MICALL2: variants seen among roughly 807,000 people sequenced by gnomAD.
The protein encoded by MICALL2 is MICAL-like protein 2.
Under a neutral mutation model 91.1 loss-of-function variants are expected in MICALL2, and 111 were observed. The ratio of observed to expected loss-of-function variants is 1.22; its 90% CI spans 1.04 to 1.43. MICALL2 has a LOEUF of 1.43. Among genes scored for constraint, MICALL2 ranks in the 40% most tolerant of loss-of-function variants. The pLI is 0.00. For synonymous variants in MICALL2, 694 were observed against 525.3 expected (o/e 1.32, Z -4.39); for missense variants, 1,556 against 1,236.0 (o/e 1.26, Z -3.88).
chr7:1,435,154 C>A lies in MICALL2; in HGVS notation c.2592-7G>T, dbSNP rs368731475. On this transcript the variant is annotated splice_polypyrimidine_tract_variant and splice_region_variant and intron_variant, in intron 15 of 16. Coordinates refer to ENST00000297508, the MANE Select transcript of MICALL2 (RefSeq NM_182924.4). Reference sequence around the variant, plus strand: ...CTGATCCTCCTCTTGTTCCCTGAAACGGGACCAGATGGCCATGAGCGACAA... The same window carrying A: ...CTGATCCTCCTCTTGTTCCCTGAAAAGGGACCAGATGGCCATGAGCGACAA... 8.1e-6 allele frequency: 13 copies of A among 1,613,334 alleles called. No homozygotes were observed. The highest frequency in any genetic ancestry group is 1.1e-5 in the Non-Finnish European group (13 of 1,179,942).
At chr7:1,435,827 G>C (rs1406501917) in intron 15 of MICALL2, among the ~76,000 whole-genome samples, 2 of 152,120 alleles carry the variant, frequency 1.3e-5, no homozygotes, top group African/African-American at 4.8e-5. Flanking sequence ...GGCTGAGGCG[G>C]GCGGATCACG....
At chr7:1,440,205 G>A (rs1584205577) in intron 8 of MICALL2, 120 bp from the exon 9 acceptor site, 6 of 1,231,948 alleles carry the variant, frequency 4.9e-6, no homozygotes, top group African/African-American at 3.1e-5. Flanking sequence ...CTGAGCAAAT[G>A]CCACCTCCCA....
At position 1,442,397 on chromosome 7, in the gene MICALL2, G is replaced by A; in HGVS notation, c.1506C>T (p.Ser502=). The A allele has an allele frequency of 1.2e-6, 2 of 1,602,638 alleles. No individual in the cohort carries two copies. The highest frequency in any genetic ancestry group is 1.7e-6 in the Non-Finnish European group (2 of 1,173,620). ...QASPLAKPLQ[S]SSPRVLGLPS... Reference sequence around the variant, plus strand: ...GGAGGCCAAGCACCCGGGGAGACGAGGACTGTAACGGCTTGGCTAAGGGAC... The same window carrying A: ...GGAGGCCAAGCACCCGGGGAGACGAAGACTGTAACGGCTTGGCTAAGGGAC... Residue 502 remains serine (S), a synonymous_variant, in exon 7 of 17, where the codon TCC becomes TCT. Transcript: ENST00000297508.
chr7:1,438,385 CT>C, intron 10 of MICALL2, 32 bp from the exon 11 acceptor site: 1 of 1,581,206 alleles, frequency 6.3e-7, no homozygotes, highest in Non-Finnish European at 8.6e-7. Flanking sequence ...CCTCTGGGAC[CT>C]GGGCCACCAG....
intron 9 of MICALL2, 184 bp from the exon 10 acceptor site, chr7:1,439,179 TC>T: frequency 1.8e-6 from 1 of 570,618 alleles, no homozygotes; most frequent in Non-Finnish European, 3.1e-6. Flanking sequence ...TGGCCATGTC[TC>T]CCCAGGGGGC....
chr7:1,437,547 TGAGCCGGCGCAGCTCGCCCTC>T lies in MICALL2; in HGVS notation c.2443_2463del (p.Glu815_Leu821del). 2 of 1,527,680 alleles carry T rather than the reference TGAGCCGGCGCAGCTCGCCCTC, an allele frequency of 1.3e-6. No individual in the cohort carries two copies. Among genetic ancestry groups the T allele is most frequent in the South Asian group, 2.4e-5 (2 of 83,232 alleles). The allele number at this position is 1,527,680 out of a possible 1,614,324, so 94.6% of individuals were successfully genotyped here. ...GCGGGGGACGCACCGGGCTTGGCCA[TGAGCCGGCGCAGCTCGCCCTC>T]GATGTCCAGCTGCTGCTCCTCCAGA... On this transcript the variant is annotated inframe_deletion, in exon 14 of 17. Coordinates refer to ENST00000297508, the MANE Select transcript of MICALL2 (RefSeq NM_182924.4).
intron 5 of MICALL2, 103 bp downstream of exon 5, chr7:1,446,610 G>A (rs1487146418): frequency 1.3e-5 from 10 of 750,118 alleles, no homozygotes; most frequent in South Asian, 6.1e-5. Context: ...GGAGAGGAAC[G>A]AGGAGCGGGG....
intron 1 of MICALL2, 69 bp downstream of exon 1, chr7:1,459,115 C>T: frequency 6.7e-7 from 1 of 1,488,782 alleles, no homozygotes; most frequent in South Asian, 1.2e-5. Context: ...GCCCGGGCCT[C>T]AGTTTCCCCG....
intron 5 of MICALL2, 119 bp from the exon 6 acceptor site, chr7:1,445,547 C>T (rs377081968): frequency 1.5e-4 from 144 of 931,142 alleles, no homozygotes; most frequent in East Asian, 4.0e-4. Flanking sequence ...GGTTGCTGAA[C>T]GCCCGCCCCG....
At position 1,459,270 on chromosome 7, in the gene MICALL2, G is replaced by A. The variant is rs779092507; in HGVS notation, c.57C>T (p.Arg19=). The A allele has an allele frequency of 1.2e-6, 2 of 1,609,314 alleles. No homozygotes were observed. The highest frequency in any genetic ancestry group is 1.7e-6 in the Non-Finnish European group (2 of 1,178,428). ...QWCRQQCEGY[R]DVNICNMTTS... ...TGGTCATGTTGCAGATATTCACGTCGCGGTAGCCCTCGCACTGCTGCCGGC... is the reference window on the plus strand; with the variant it reads ...TGGTCATGTTGCAGATATTCACGTCACGGTAGCCCTCGCACTGCTGCCGGC... The change falls in exon 1 of 17, where the codon CGC becomes CGT. Residue 19 remains arginine (R), a synonymous_variant. Transcript: ENST00000297508.
Position 1,446,805 on chromosome 7 carries a change from C to T in MICALL2, c.549G>A (p.Leu183=). 6.3e-7 allele frequency: 1 copy of T among 1,599,978 alleles called. No homozygotes were observed. The highest frequency in any genetic ancestry group is 1.1e-5 in the South Asian group (1 of 89,186). Residue 183 remains leucine, a synonymous_variant, in exon 5 of 17, where the codon TTG becomes TTA. Coordinates refer to ENST00000297508, the MANE Select transcript of MICALL2 (RefSeq NM_182924.4). The part of the protein sequence containing the change: ...PKTDQALAGS[L]VSSTCGVCGK... ...CGCAGACCCCGCAGGTGCTGCTGACCAAGCTGCCCGCCAATGCCTGGTCCT... is the reference window on the plus strand; with the variant it reads ...CGCAGACCCCGCAGGTGCTGCTGACTAAGCTGCCCGCCAATGCCTGGTCCT...
chr7:1,440,847 T>C, intron 7 of MICALL2, 163 bp from the exon 8 acceptor site: 1 of 620,916 alleles, frequency 1.6e-6, no homozygotes, highest in Admixed American at 2.4e-5. Context: ...GGGCAGGGAG[T>C]CAGGGGAGGG....
intron 1 of MICALL2, among the ~76,000 whole-genome samples, chr7:1,458,642 T>C (rs1172134048): frequency 1.3e-5 from 2 of 152,224 alleles, no homozygotes; most frequent in African/African-American, 4.8e-5. Flanking sequence ...AGATGGGGGC[T>C]GTTCTCCATC....
chr7:1,455,642 G>A lies in MICALL2; in HGVS notation c.143+3542C>T, dbSNP rs889991340. Among the ~76,000 whole-genome samples the A allele has an allele frequency of 1.4e-4, 22 of 151,948 alleles. 2 individuals are homozygous for A. Among genetic ancestry groups the A allele is most frequent in the Non-Finnish European group, 2.8e-4 (19 of 67,840 alleles). On this transcript the variant is annotated intron_variant, in intron 1 of 16. Coordinates refer to ENST00000297508, the MANE Select transcript of MICALL2 (RefSeq NM_182924.4). Reference sequence around the variant, plus strand: ...GTCCGGATCCCCGCCCCCTCCACCCGGGGTCGGTGGGGCAGAGGCAGAACC... The same window carrying A: ...GTCCGGATCCCCGCCCCCTCCACCCAGGGTCGGTGGGGCAGAGGCAGAACC...
chr7:1,434,365 G>A lies in MICALL2; in HGVS notation c.*231C>T, dbSNP rs1225547370. The A allele has an allele frequency of 1.5e-6, 1 of 655,322 alleles. No individual in the cohort carries two copies. Among genetic ancestry groups the A allele is most frequent in the Admixed American group, 2.1e-5 (1 of 47,646 alleles). 40.6% of individuals were successfully genotyped at this position (655,322 alleles called of 1,614,324 possible). ...ACACGGAGGCACGTAGGAGTCCGGG[G>A]CCATGTGGTCGGTTTCTTTATTGAG... On this transcript the variant is annotated 3_prime_UTR_variant, in exon 17 of 17. Coordinates refer to ENST00000297508, the MANE Select transcript of MICALL2 (RefSeq NM_182924.4).
rs770755579 is a variant in MICALL2, at chr7:1,438,860, G to C, written c.2102C>G (p.Pro701Arg). The C allele has an allele frequency of 2.5e-6, 4 of 1,608,408 alleles. No individual in the cohort carries two copies. Among genetic ancestry groups the C allele is most frequent in the East Asian group, 4.5e-5 (2 of 44,778 alleles). ...VQSWKEEEKK[P>R]HLQGKPGRPL... Reference sequence around the variant, plus strand: ...CTGACCTGGTTTGCCCTGAAGGTGAGGTTTCTTCTCCTCCTCCTTCCAGCT... The same window carrying C: ...CTGACCTGGTTTGCCCTGAAGGTGACGTTTCTTCTCCTCCTCCTTCCAGCT... The change falls in exon 10 of 17, where the codon CCT becomes CGT. Residue 701 changes from proline (P) to arginine (R), a missense_variant. By Grantham distance (103) the Pro-to-Arg change is moderately radical (BLOSUM62 -2). Coordinates refer to ENST00000297508, the MANE Select transcript of MICALL2 (RefSeq NM_182924.4).
At chr7:1,436,691 G>T in intron 15 of MICALL2, 51 bp downstream of exon 15, 1 of 1,421,888 alleles carries the variant, frequency 7.0e-7, no homozygotes, top group Non-Finnish European at 9.6e-7. Flanking sequence ...CGGGAGCATG[G>T]ACCAGGCGAC....
chr7:1,453,345 C>G (rs552922030), intron 1 of MICALL2, among the ~76,000 whole-genome samples: 11 of 152,250 alleles, frequency 7.2e-5, no homozygotes, highest in African/African-American at 1.9e-4. Flanking sequence ...CAGATACAAA[C>G]TGACAGGGGA....
chr7:1,443,161 G>A (rs1400337159), intron 6 of MICALL2, among the ~76,000 whole-genome samples: 1 of 141,600 alleles, frequency 7.1e-6, no homozygotes, highest in Non-Finnish European at 1.5e-5. Context: ...AGCTTCCCCA[G>A]AGGAGCTGGG....
Sources: allele counts gnomAD v4.1 joint callset (sites outside exome capture counted in the v4.1 genomes callset), GRCh38; gene constraint gnomAD v4.1.1; transcripts MANE v1.5; gene names NCBI Gene and HGNC (gene_info 2026-07-23, HGNC 2026-07-21).